SPECC1L: variants seen among roughly 807,000 people sequenced by gnomAD.
SPECC1L encodes the protein cytospin-A.
A neutral mutation model predicts 116.8 loss-of-function variants in SPECC1L; 40 were observed. The ratio of observed to expected loss-of-function variants is 0.34; its 90% CI spans 0.27 to 0.45. SPECC1L has a LOEUF of 0.45. Ranked by LOEUF, SPECC1L falls within the 20% of genes least tolerant of loss-of-function variation. The pLI is 1.00. For synonymous variants in SPECC1L, 504 were observed against 500.6 expected (o/e 1.01, Z -0.09); for missense variants, 1,110 against 1,373.6 (o/e 0.81, Z 3.03).
At chr22:24,333,955 G>T (rs145428039) in intron 8 of SPECC1L, among the ~76,000 whole-genome samples, 19 of 151,416 alleles carry the variant, frequency 1.3e-4, no homozygotes, top group African/African-American at 4.1e-4. Context: ...GAGAACATTA[G>T]ACCAGGTAAT....
Position 24,344,188 on chromosome 22 carries a change from ATTATAGATGG to A in SPECC1L, c.2653-2888_2653-2879del. Among the ~76,000 whole-genome samples, 2 of 152,180 alleles carry A rather than the reference ATTATAGATGG, an allele frequency of 1.3e-5. 1 individual carries two copies. Among genetic ancestry groups the A allele is most frequent in the East Asian group, 3.8e-4 (2 of 5,202 alleles). On this transcript the variant is annotated intron_variant, in intron 10 of 16. Coordinates refer to ENST00000314328, the MANE Select transcript of SPECC1L (RefSeq NM_015330.6). ...AAATGGCTAGCCAGTATTCCTCATG[ATTATAGATGG>A]TTATAGATGCAATATAAAAGCACAC...
intron 2 of SPECC1L, among the ~76,000 whole-genome samples, chr22:24,291,581 T>C (rs1236836940): frequency 6.6e-6 from 1 of 151,898 alleles, no homozygotes; most frequent in Non-Finnish European, 1.5e-5. Flanking sequence ...TTTGAATTGC[T>C]GCTTTTATTT....
intron 4 of SPECC1L, among the ~76,000 whole-genome samples, chr22:24,314,625 G>A (rs2040525854): frequency 6.6e-6 from 1 of 152,182 alleles, no homozygotes; most frequent in South Asian, 2.1e-4. Context: ...CTGGTCATAT[G>A]ACCTATAGAG....
At chr22:24,289,065 A>G (rs1448394204) in intron 2 of SPECC1L, among the ~76,000 whole-genome samples, 1 of 152,226 alleles carries the variant, frequency 6.6e-6, no homozygotes, top group African/African-American at 2.4e-5. Flanking sequence ...AATTAAAACT[A>G]TGGCTGACAG....
chr22:24,282,812 C>G (rs890401093), intron 2 of SPECC1L, among the ~76,000 whole-genome samples: 1 of 151,066 alleles, frequency 6.6e-6, no homozygotes, highest in Admixed American at 6.6e-5. Flanking sequence ...GGGTCGCACC[C>G]TGTCACCCAG....
chr22:24,412,720 C>T lies in SPECC1L; in HGVS notation c.3264+13C>T, dbSNP rs200177518. 8.7e-6 allele frequency: 14 copies of T among 1,613,660 alleles called. No homozygotes were observed. Among genetic ancestry groups the T allele is most frequent in the African/African-American group, 1.3e-5 (1 of 74,888 alleles). On this transcript the variant is annotated intron_variant, in intron 16 of 16. Coordinates refer to ENST00000314328, the MANE Select transcript of SPECC1L (RefSeq NM_015330.6). The stretch of plus-strand genomic sequence containing the variant: ...CAAATCCACACTGGTGAGCCCTTGT[C>T]CCCCTGAGTCACTGGCAGGGCCCTC...
intron 14 of SPECC1L, among the ~76,000 whole-genome samples, chr22:24,380,017 C>T (rs1601315627): frequency 6.6e-6 from 1 of 152,248 alleles, no homozygotes; most frequent in Non-Finnish European, 1.5e-5. Context: ...ATTACAGGCA[C>T]CTGCCACCCC....
intron 10 of SPECC1L, among the ~76,000 whole-genome samples, chr22:24,340,751 G>A (rs564603137): frequency 6.6e-5 from 10 of 152,266 alleles, no homozygotes; most frequent in Non-Finnish European, 1.5e-4. Context: ...TAAAAATCAT[G>A]TGGAGAGTTT....
At chr22:24,305,491 A>G (rs930592641) in intron 3 of SPECC1L, among the ~76,000 whole-genome samples, 10 of 152,054 alleles carry the variant, frequency 6.6e-5, no homozygotes, top group Admixed American at 2.6e-4. Context: ...AGCAGCGGTC[A>G]CTTCCTTTTC....
intron 3 of SPECC1L, 31 bp downstream of exon 3, chr22:24,302,415 G>A (rs754189825): frequency 1.9e-6 from 3 of 1,612,580 alleles, no homozygotes; most frequent in Admixed American, 1.7e-5. Flanking sequence ...TACATGATGG[G>A]TTTTTGGAGG....
chr22:24,308,662 TA>T (rs1162799030), intron 3 of SPECC1L, among the ~76,000 whole-genome samples: 2 of 149,916 alleles, frequency 1.3e-5, no homozygotes, highest in Non-Finnish European at 1.5e-5. Flanking sequence ...TCCTTTTTTT[TA>T]CTAGACTTTT....
intron 11 of SPECC1L, among the ~76,000 whole-genome samples, chr22:24,360,167 C>T (rs1203047163): frequency 6.6e-6 from 1 of 152,208 alleles, no homozygotes; most frequent in Non-Finnish European, 1.5e-5. Context: ...GCCTGCTACA[C>T]TCAATTGTAA....
At chr22:24,307,264 G>C (rs1041816929) in intron 3 of SPECC1L, among the ~76,000 whole-genome samples, 5 of 152,200 alleles carry the variant, frequency 3.3e-5, no homozygotes, top group African/African-American at 1.2e-4. Context: ...ACCATTTGCA[G>C]TACATAAGGG....
At chr22:24,354,159 C>T (rs745593030) in intron 11 of SPECC1L, among the ~76,000 whole-genome samples, 3 of 152,192 alleles carry the variant, frequency 2.0e-5, no homozygotes, top group Non-Finnish European at 4.4e-5. Flanking sequence ...CATGAGGGAT[C>T]TGCTCCTATG....
At chr22:24,340,537 G>A (rs1289487208) in intron 10 of SPECC1L, among the ~76,000 whole-genome samples, 2 of 152,142 alleles carry the variant, frequency 1.3e-5, no homozygotes, top group Admixed American at 6.5e-5. Context: ...GATGCCAAAT[G>A]TAATAAACTT....
chr22:24,305,397 C>T (rs2049472350), intron 3 of SPECC1L, among the ~76,000 whole-genome samples: 2 of 152,168 alleles, frequency 1.3e-5, no homozygotes, highest in Admixed American at 1.3e-4. Context: ...ATGATTTTTG[C>T]CAGTTTTTGA....
chr22:24,410,694 G>T (rs1041856079), intron 14 of SPECC1L, among the ~76,000 whole-genome samples: 11 of 152,180 alleles, frequency 7.2e-5, no homozygotes, highest in Non-Finnish European at 1.2e-4. Flanking sequence ...TGCGTGGCCT[G>T]GACCAATGCT....
At chr22:24,362,836 A>G (rs1437559471) in intron 11 of SPECC1L, among the ~76,000 whole-genome samples, 2 of 152,098 alleles carry the variant, frequency 1.3e-5, no homozygotes, top group South Asian at 2.1e-4. Flanking sequence ...TGTTACTCTA[A>G]TTATCCCATC....
At chr22:24,296,461 T>A (rs1340945078) in intron 2 of SPECC1L, among the ~76,000 whole-genome samples, 6 of 152,266 alleles carry the variant, frequency 3.9e-5, no homozygotes, top group African/African-American at 1.2e-4. Context: ...AGAGGCAGGA[T>A]CCACAATGTT....
Sources: allele counts gnomAD v4.1 joint callset (sites outside exome capture counted in the v4.1 genomes callset), GRCh38; gene constraint gnomAD v4.1.1; transcripts MANE v1.5; gene names NCBI Gene and HGNC (gene_info 2026-07-23, HGNC 2026-07-21).